PTPRD: variants seen among roughly 807,000 people sequenced by gnomAD.
PTPRD encodes receptor-type tyrosine-protein phosphatase delta.
Under a neutral mutation model 214.5 loss-of-function variants are expected in PTPRD, and 34 were observed. That is an observed-to-expected ratio of 0.16 (90% CI 0.12 to 0.21). The LOEUF is 0.21. PTPRD is among the 10% of genes least tolerant of loss of function. PTPRD has a pLI of 1.00. For missense variants in PTPRD, 2,545 were observed against 2,398.7 expected (o/e 1.06, Z -1.27); for synonymous variants, 1,128 against 845.7 (o/e 1.33, Z -5.79).
intron 3 of PTPRD, among the ~76,000 whole-genome samples, chr9:10,304,146 G>A (rs1269047890): frequency 6.6e-6 from 1 of 152,074 alleles, no homozygotes; most frequent in Non-Finnish European, 1.5e-5. Context: ...CACATAAACA[G>A]AACCAATGAC....
At chr9:8,374,069 C>T (rs1352472303) in intron 39 of PTPRD, among the ~76,000 whole-genome samples, 2 of 151,018 alleles carry the variant, frequency 1.3e-5, no homozygotes, top group East Asian at 4.0e-4. Context: ...TTATGTGTCT[C>T]TAATTTTTGT....
intron 39 of PTPRD, among the ~76,000 whole-genome samples, chr9:8,366,249 G>A (rs1464941717): frequency 6.6e-6 from 1 of 152,168 alleles, no homozygotes; most frequent in Non-Finnish European, 1.5e-5. Context: ...AAGAGCCACA[G>A]TTAATCCTGA....
intron 9 of PTPRD, among the ~76,000 whole-genome samples, chr9:9,364,707 T>A (rs1039189940): frequency 6.6e-6 from 1 of 151,266 alleles, no homozygotes; most frequent in Admixed American, 6.6e-5. Flanking sequence ...CAAGGAAAGG[T>A]CCCATTTATA....
At chr9:9,390,048 A>C (rs150270844) in intron 9 of PTPRD, among the ~76,000 whole-genome samples, 101 of 152,318 alleles carry the variant, frequency 6.6e-4, no homozygotes, top group African/African-American at 2.3e-3. Context: ...ACATTTCAGC[A>C]GAGACTTCAA....
chr9:9,891,070 G>A (rs569959795), intron 5 of PTPRD, among the ~76,000 whole-genome samples: 2 of 152,174 alleles, frequency 1.3e-5, no homozygotes, highest in South Asian at 2.1e-4. Context: ...TTCATTGACT[G>A]AAGCTTGGTC....
intron 3 of PTPRD, among the ~76,000 whole-genome samples, chr9:10,055,732 G>A (rs151278757): frequency 6.6e-5 from 10 of 152,002 alleles, no homozygotes; most frequent in Admixed American, 4.6e-4. Flanking sequence ...AAAGAGGGCT[G>A]CACCCAGAAG....
intron 2 of PTPRD, among the ~76,000 whole-genome samples, chr9:10,543,507 A>ACGT (rs1333500511): frequency 1.5e-5 from 1 of 68,374 alleles, no homozygotes; most frequent in Non-Finnish European, 3.7e-5. Flanking sequence ...CACACACACA[A>ACGT]ACACACACAC....
At chr9:9,562,751 C>G (rs1470444553) in intron 8 of PTPRD, among the ~76,000 whole-genome samples, 2 of 152,136 alleles carry the variant, frequency 1.3e-5, no homozygotes, top group Admixed American at 1.3e-4. Flanking sequence ...ATCCTATTTA[C>G]AATTATATTT....
intron 3 of PTPRD, among the ~76,000 whole-genome samples, chr9:10,092,412 A>G (rs1423753549): frequency 6.6e-6 from 1 of 151,364 alleles, no homozygotes; most frequent in Non-Finnish European, 1.5e-5. Flanking sequence ...ACTCCTCTAA[A>G]AGCATCACTG....
At chr9:9,201,080 G>A (rs1452217783) in intron 9 of PTPRD, among the ~76,000 whole-genome samples, 1 of 152,116 alleles carries the variant, frequency 6.6e-6, no homozygotes, top group East Asian at 1.9e-4. Flanking sequence ...TAAATATATG[G>A]AAAATCTTAT....
At position 10,593,435 on chromosome 9, in the gene PTPRD, G is replaced by T. The variant is rs966202921; in HGVS notation, c.-600+18963C>A. Among the ~76,000 whole-genome samples, 3 of 152,158 alleles carry T rather than the reference G, an allele frequency of 2.0e-5. No individual in the cohort carries two copies. In the East Asian group the frequency reaches 5.8e-4, roughly 29 times the overall value. ...GCCTCAAATTCCTACAATTAAAAAG[G>T]TGGGAACTCAGTCATAAATATTTGG... On this transcript the variant is annotated intron_variant, in intron 2 of 45. Coordinates refer to ENST00000381196, the MANE Select transcript of PTPRD (RefSeq NM_002839.4).
rs138348377 is a variant in PTPRD at position 8,487,871 on chromosome 9, C to T, written c.2468-1522G>A. Among the ~76,000 whole-genome samples the T allele has an allele frequency of 3.2e-3, 489 of 150,856 alleles. 1 individual carries two copies. Among genetic ancestry groups the T allele is most frequent in the African/African-American group, 0.011 (453 of 41,024 alleles). On this transcript the variant is annotated intron_variant, in intron 27 of 45. Transcript: ENST00000381196. ...GCAACATAGCAAGACCTTATCTCTA[C>T]GGGGGGAGGGGGGAAGGCATGGTGT...
intron 9 of PTPRD, among the ~76,000 whole-genome samples, chr9:9,220,865 A>G (rs2099955525): frequency 1.3e-5 from 2 of 152,132 alleles, no homozygotes; most frequent in Admixed American, 6.6e-5. Flanking sequence ...TCCAGCTTTT[A>G]CTGAAGAGGT....
At chr9:9,126,627 G>C (rs1312748985) in intron 10 of PTPRD, among the ~76,000 whole-genome samples, 1 of 152,154 alleles carries the variant, frequency 6.6e-6, no homozygotes, top group East Asian at 1.9e-4. Context: ...ATGAAAACAA[G>C]ATAGTCACTC....
intron 39 of PTPRD, among the ~76,000 whole-genome samples, chr9:8,369,946 A>C (rs530243664): frequency 6.6e-6 from 1 of 152,206 alleles, no homozygotes; most frequent in South Asian, 2.1e-4. Context: ...CTGGTACTAG[A>C]ATATAGTCTT....
rs1166530719 is a variant in PTPRD, at chr9:8,439,935, A to ATTT, written c.3989-3249_3989-3247dup. Among the ~76,000 whole-genome samples, 576 of 73,264 alleles carry ATTT rather than the reference A, an allele frequency of 7.9e-3. 46 individuals are homozygous for ATTT. Among genetic ancestry groups the ATTT allele is most frequent in the African/African-American group, 0.015 (277 of 18,432 alleles). The allele number at this position is 73,264 out of a possible 152,430, so 48.1% of individuals were successfully genotyped here. On this transcript the variant is annotated intron_variant, in intron 34 of 45. Transcript: ENST00000381196. Reference sequence around the variant, plus strand: ...CATTTAAATTACTTGATGTGCTTTAATTTTTTTTTTTTTTTTTTTTTTTTT... The same window carrying ATTT: ...CATTTAAATTACTTGATGTGCTTTAATTTTTTTTTTTTTTTTTTTTTTTTTTTT...
intron 2 of PTPRD, among the ~76,000 whole-genome samples, chr9:10,541,233 C>T (rs2059032929): frequency 6.6e-6 from 1 of 152,116 alleles, no homozygotes; most frequent in African/African-American, 2.4e-5. Context: ...ATTGTAACAT[C>T]AATCTAAGCT....
At chr9:10,131,034 C>G (rs10958905) in intron 3 of PTPRD, among the ~76,000 whole-genome samples, 27,411 of 152,054 alleles carry the variant, frequency 0.18, 2,730 homozygotes, top group South Asian at 0.27. Flanking sequence ...TAAGGTGATA[C>G]TAGTGTCAAG....
intron 3 of PTPRD, among the ~76,000 whole-genome samples, chr9:10,068,444 G>C (rs1329334297): frequency 3.3e-5 from 5 of 151,812 alleles, no homozygotes; most frequent in Non-Finnish European, 7.4e-5. Context: ...ATACTCTCCT[G>C]GTCCTTTGGA....
Sources: gnomAD v4.1 joint callset for allele counts (sites outside exome capture counted in the v4.1 genomes callset) on GRCh38, gnomAD v4.1.1 for gene constraint, MANE v1.5 for transcripts, NCBI Gene and HGNC (gene_info 2026-07-23, HGNC 2026-07-21) for gene names.